ZC3H12B: variants seen among roughly 807,000 people sequenced by gnomAD.
ZC3H12B encodes the protein probable ribonuclease ZC3H12B.
ZC3H12B carries 7 observed loss-of-function variants against 43.9 expected under a neutral mutation model. The observed-to-expected ratio is 0.16, with a 90% CI of 0.09 to 0.30. The LOEUF (loss-of-function observed/expected upper bound fraction) is 0.30. ZC3H12B is among the 10% of genes least tolerant of loss of function. The probability of loss-of-function intolerance (pLI) is 1.00; values close to 1 mark genes in which losing one functional copy is unlikely to be tolerated. For synonymous variants in ZC3H12B, 222 were observed against 241.7 expected (o/e 0.92, Z 0.76); for missense variants, 475 against 670.2 (o/e 0.71, Z 3.22).
At chrX:65,250,730 G>A in the ZC3H12B span, among the ~76,000 whole-genome samples, 4 of 112,034 alleles carry the variant, frequency 3.6e-5, no homozygotes, top group Non-Finnish European at 7.5e-5. Context: ...CTGCATAAAT[G>A]TCTTCTTTTG....
At chrX:65,053,807 G>T in the ZC3H12B span, among the ~76,000 whole-genome samples, 38 of 111,664 alleles carry the variant, frequency 3.4e-4, no homozygotes, top group African/African-American at 1.2e-3. Context: ...ATTCTAACTG[G>T]TGTGAGATGG....
the ZC3H12B span, among the ~76,000 whole-genome samples, chrX:65,072,666 T>C: frequency 2.7e-5 from 3 of 111,917 alleles, no homozygotes; most frequent in Non-Finnish European, 3.8e-5. Context: ...CTCACTCTGA[T>C]GGGTGGTGGC....
the ZC3H12B span, among the ~76,000 whole-genome samples, chrX:65,190,860 C>T: frequency 1.9e-3 from 200 of 106,007 alleles, no homozygotes; most frequent in African/African-American, 6.9e-3. Flanking sequence ...TGAGAGAGGG[C>T]ACCCCTGTCT....
the ZC3H12B span, among the ~76,000 whole-genome samples, chrX:65,269,879 TAAAG>T: frequency 1.8e-5 from 2 of 111,369 alleles, no homozygotes; most frequent in Non-Finnish European, 3.8e-5. Context: ...TGAAATAAAA[TAAAG>T]AAGGCATGAA....
At chrX:65,360,542 T>C in the ZC3H12B span, among the ~76,000 whole-genome samples, 1 of 111,699 alleles carries the variant, frequency 9.0e-6, no homozygotes, top group African/African-American at 3.2e-5. Context: ...AAATGGACCA[T>C]ATAAAACAAT....
chrX:65,308,841 A>C, the ZC3H12B span, among the ~76,000 whole-genome samples: 1 of 112,266 alleles, frequency 8.9e-6, no homozygotes, highest in African/African-American at 3.2e-5. Flanking sequence ...AACTCACTCA[A>C]AACTGCACAG....
the ZC3H12B span, among the ~76,000 whole-genome samples, chrX:65,269,217 C>T: frequency 6.4e-5 from 7 of 109,759 alleles, no homozygotes; most frequent in East Asian, 8.6e-4. Context: ...TGGTGGTAAA[C>T]GCCTGTAGTC....
chrX:65,454,149 A>G lies in ZC3H12B; in HGVS notation n.408-34497A>G, dbSNP rs1235245861. Among the ~76,000 whole-genome samples, 13 of 112,817 alleles carry G rather than the reference A, an allele frequency of 1.2e-4. No homozygotes were observed. In the East Asian group the frequency reaches 3.4e-3, roughly 29 times the overall value. On this transcript the variant is annotated intron_variant and non_coding_transcript_variant, in intron 3 of 5. Transcript: ENST00000617377. ...GATTGTCAGACAGTGGGTGCAGGAC[A>G]GTGGGTGCAGTGCACCAAGCCTGAG...
At chrX:65,372,685 A>C (rs1281868573) in intron 2 of ZC3H12B, among the ~76,000 whole-genome samples, 1 of 112,013 alleles carries the variant, frequency 8.9e-6, no homozygotes, top group African/African-American at 3.2e-5. Flanking sequence ...CAATTTTCTT[A>C]TTTGATAAAC....
the ZC3H12B span, among the ~76,000 whole-genome samples, chrX:65,326,283 G>A: frequency 9.0e-6 from 1 of 111,622 alleles, no homozygotes. Context: ...AGCAGTTAAT[G>A]ACCAAAATCT....
the ZC3H12B span, among the ~76,000 whole-genome samples, chrX:65,058,665 C>T: frequency 8.9e-6 from 1 of 112,111 alleles, no homozygotes; most frequent in Non-Finnish European, 1.9e-5. Flanking sequence ...CTGTGCCCTG[C>T]CCACAGAGGT....
chrX:65,159,746 A>C, the ZC3H12B span, among the ~76,000 whole-genome samples: 17 of 111,565 alleles, frequency 1.5e-4, no homozygotes, highest in East Asian at 5.7e-4. Flanking sequence ...TAATTGAATA[A>C]CCTTTATTTC....
At chrX:65,068,162 G>T in the ZC3H12B span, among the ~76,000 whole-genome samples, 1 of 88,371 alleles carries the variant, frequency 1.1e-5, no homozygotes. Context: ...AGATCAGTGT[G>T]TCTTGCTTTT....
chrX:65,314,437 G>A, the ZC3H12B span, among the ~76,000 whole-genome samples: 7 of 111,470 alleles, frequency 6.3e-5, no homozygotes, highest in Non-Finnish European at 9.4e-5. Context: ...ACAGCGGACA[G>A]TGATTTAAAT....
the ZC3H12B span, among the ~76,000 whole-genome samples, chrX:65,073,617 G>A: frequency 8.9e-6 from 1 of 112,143 alleles, no homozygotes; most frequent in African/African-American, 3.2e-5. Context: ...GCCATCCATG[G>A]CTGCACTTCG....
the ZC3H12B span, among the ~76,000 whole-genome samples, chrX:65,060,874 A>G: frequency 3.6e-5 from 4 of 111,877 alleles, no homozygotes; most frequent in Admixed American, 2.8e-4. Context: ...GTAGAAATCA[A>G]CAGTGAAGCC....
At chrX:65,075,066 A>G in the ZC3H12B span, among the ~76,000 whole-genome samples, 1 of 112,139 alleles carries the variant, frequency 8.9e-6, no homozygotes, top group South Asian at 3.7e-4. Context: ...CCAAATCTTT[A>G]TAGATTGGCT....
chrX:65,448,164 G>T (rs1423069776), intron 3 of ZC3H12B, among the ~76,000 whole-genome samples: 2 of 111,014 alleles, frequency 1.8e-5, no homozygotes, highest in African/African-American at 6.6e-5. Context: ...GAACCCAGGA[G>T]GCAGAGCTTG....
chrX:65,454,172 G>T (rs759006289), intron 3 of ZC3H12B, among the ~76,000 whole-genome samples: 2 of 112,866 alleles, frequency 1.8e-5, no homozygotes, highest in African/African-American at 6.4e-5. Flanking sequence ...CACCAAGCCT[G>T]AGCTGAAGCA....
Sources: gnomAD v4.1 joint callset for allele counts (sites outside exome capture counted in the v4.1 genomes callset) on GRCh38, gnomAD v4.1.1 for gene constraint, MANE v1.5 for transcripts, NCBI Gene and HGNC (gene_info 2026-07-23, HGNC 2026-07-21) for gene names.